The following CREB3L3 variants were observed in gnomAD, a reference collection of about 807,000 sequenced individuals.
The protein encoded by CREB3L3 is cyclic AMP-responsive element-binding protein 3-like protein 3.
CREB3L3 carries 40 observed loss-of-function variants against 44.6 expected under a neutral mutation model. The ratio of observed to expected loss-of-function variants is 0.90; its 90% CI spans 0.70 to 1.17. The LOEUF (loss-of-function observed/expected upper bound fraction) is 1.17, where lower values mean the gene tolerates loss of function less well. CREB3L3 is among the 50% of genes most tolerant of loss of function. The pLI is 0.00. For synonymous variants in CREB3L3, 273 were observed against 256.3 expected, an observed-to-expected ratio of 1.06 and a Z score of -0.62; for missense variants, 578 against 595.8, an observed-to-expected ratio of 0.97 and a Z score of 0.31.
intron 2 of CREB3L3, among the ~76,000 whole-genome samples, chr19:4,156,155 CCCTCCCTT>C (rs200708264): frequency 6.0e-5 from 5 of 82,678 alleles, no homozygotes; most frequent in Admixed American, 1.6e-4. Flanking sequence ...CTCTCCCCCT[CCCTCCCTT>C]CCTCCCTTCC....
intron 2 of CREB3L3, 125 bp downstream of exon 2, chr19:4,155,152 G>T: frequency 4.2e-6 from 5 of 1,189,744 alleles, no homozygotes. Flanking sequence ...ATGCACTAAT[G>T]GGTCACGGTG....
chr19:4,159,638 T>C lies in CREB3L3; in HGVS notation c.458-26T>C, dbSNP rs1490218644. 4.7e-6 allele frequency: 5 copies of C among 1,065,490 alleles called. No homozygotes were observed. The Admixed American group carries it at 6.7e-5, about 14-fold the overall frequency. 66.0% of individuals were successfully genotyped at this position (1,065,490 alleles called of 1,614,324 possible). ...CTCCCCCCGTCTGACACTCTCCCTGTCTCCGTCCCCACCTGCCCTGGTCAG... is the reference window on the plus strand; with the variant it reads ...CTCCCCCCGTCTGACACTCTCCCTGCCTCCGTCCCCACCTGCCCTGGTCAG... On this transcript the variant is annotated intron_variant, in intron 3 of 9. Transcript: ENST00000078445.
At position 4,157,073 on chromosome 19, in the gene CREB3L3, C is replaced by A; in HGVS notation, c.235C>A (p.Leu79Ile). 1 of 1,614,122 alleles carries A rather than the reference C, an allele frequency of 6.2e-7. No individual in the cohort carries two copies. Among genetic ancestry groups the A allele is most frequent in the Non-Finnish European group, 8.5e-7 (1 of 1,180,016 alleles). The change falls in exon 3 of 10, where the codon CTC becomes ATC. Residue 79 changes from leucine (L) to isoleucine (I), a missense_variant. Transcript: ENST00000078445. ...GSGDSLPSSP[L>I]WSPEGSDSGI... is the part of the protein sequence containing the mutation. ...TGGAGACTCACTGCCCAGCTCCCCA[C>A]TCTGGTCCCCCGAAGGCAGTGATAG...
intron 4 of CREB3L3, among the ~76,000 whole-genome samples, chr19:4,162,754 A>G (rs2041676076): frequency 1.3e-5 from 2 of 150,484 alleles, no homozygotes; most frequent in African/African-American, 4.9e-5. Context: ...TGAAGTGGAC[A>G]GATTGCTTGA....
Position 4,172,332 on chromosome 19 carries a change from C to G in CREB3L3, c.*363C>G. 2.3e-6 allele frequency: 1 copy of G among 426,082 alleles called. No homozygotes were observed. Among genetic ancestry groups the G allele is most frequent in the South Asian group, 2.3e-5 (1 of 42,660 alleles). 26.4% of individuals were successfully genotyped at this position (426,082 alleles called of 1,614,324 possible). On this transcript the variant is annotated 3_prime_UTR_variant, in exon 10 of 10. Coordinates refer to ENST00000078445, the MANE Select transcript of CREB3L3 (RefSeq NM_032607.3). ...AGACCCAGACAAACAGACAGACAGA[C>G]ACAGCCTGAAACAGACCCAGACAGA...
rs369516423 is a variant in CREB3L3, at chr19:4,171,889, G to A, written c.1306G>A (p.Ala436Thr). 8.7e-6 allele frequency: 14 copies of A among 1,612,714 alleles called. No individual in the cohort carries two copies. The highest frequency in any genetic ancestry group is 1.6e-4 in the Middle Eastern group (1 of 6,082). Residue 436 changes from alanine (A) to threonine (T), a missense_variant, in exon 10 of 10, where the codon GCC becomes ACC. Physicochemically the swap from Ala to Thr is moderately conservative, Grantham distance 58. Coordinates refer to ENST00000078445, the MANE Select transcript of CREB3L3 (RefSeq NM_032607.3). This position sits in a 1 kb window ranked among gnomAD's most constrained non-coding sequence, Gnocchi z 4.9. ...RNATEGLGQVALLDWVAPGPS... is the reference protein window; with the variant it reads ...RNATEGLGQVTLLDWVAPGPS... ...TGCAACAGAGGGGCTGGGCCAGGTC[G>A]CCCTGCTGGACTGGGTGGCGCCTGG...
In CREB3L3 at chr19:4,153,766, G is replaced by C; in HGVS notation, c.19G>C (p.Ala7Pro). The change falls in exon 1 of 10, where the codon GCT (alanine) becomes CCT (proline). Residue 7 changes from alanine (A) to proline (P), a missense_variant. By Grantham distance (27) the Ala-to-Pro change is conservative. Transcript: ENST00000078445. MNTDLA[A>P]GKMASAACSM... ...TGGACCCATGAATACGGATTTAGCT[G>C]CTGGAAAGGTGAGCCCTACTAGGTC... is the stretch of plus-strand genomic sequence containing the variant. 1 of 1,614,126 alleles carries C rather than the reference G, an allele frequency of 6.2e-7. No homozygotes were observed.
In CREB3L3 at chr19:4,164,507, A is replaced by G. The variant is rs1425445699; in HGVS notation, c.581A>G (p.Gln194Arg). ...TTCCTCTGATTTTTTCCGTAGCAAC[A>G]GCATCACCTGGGGGCCTCCTACCTC... The part of the protein sequence containing the change: ...LLSGSSGDLQ[Q>R]HHLGASYLLR... The change falls in exon 5 of 10, where the codon CAG becomes CGG. Residue 194 changes from glutamine (Q) to arginine (R), a missense_variant. Coordinates refer to ENST00000078445, the MANE Select transcript of CREB3L3 (RefSeq NM_032607.3). 6.2e-7 allele frequency: 1 copy of G among 1,614,034 alleles called. No individual in the cohort carries two copies. Among genetic ancestry groups the G allele is most frequent in the Admixed American group, 1.7e-5 (1 of 60,000 alleles).
Position 4,171,783 on chromosome 19 carries a change from G to T in CREB3L3, c.1200G>T (p.Gly400=). Residue 400 remains glycine (G), a synonymous_variant, in exon 10 of 10, where the codon GGG becomes GGT. Coordinates refer to ENST00000078445, the MANE Select transcript of CREB3L3 (RefSeq NM_032607.3). The surrounding 1 kb of genome is among the most constrained non-coding windows in gnomAD (Gnocchi z 4.9). The part of the protein sequence containing the change: ...TTREESPGSP[G]ADWGFQDTAN... The stretch of plus-strand genomic sequence containing the variant: ...GAGAAGAGTCTCCAGGAAGCCCCGG[G>T]GCAGACTGGGGCTTCCAGGACACCG... 1 of 1,613,482 alleles carries T rather than the reference G, an allele frequency of 6.2e-7. No individual in the cohort carries two copies. Among genetic ancestry groups the T allele is most frequent in the Non-Finnish European group, 8.5e-7 (1 of 1,180,004 alleles).
chr19:4,161,630 AAGGT>A (rs59916933), intron 4 of CREB3L3, among the ~76,000 whole-genome samples: 98,080 of 151,522 alleles, frequency 0.65, 32,161 homozygotes, highest in East Asian at 0.9. Context: ...TGCAGATGAG[AAGGT>A]AGGTCAAGGC....
chr19:4,169,360 G>A (rs1966992584), intron 6 of CREB3L3, among the ~76,000 whole-genome samples: 1 of 151,806 alleles, frequency 6.6e-6, no homozygotes, highest in Admixed American at 6.6e-5. Flanking sequence ...GGTGCCTGTA[G>A]TCCCAGCTAC....
rs534063780 is a variant in CREB3L3 at position 4,164,545 on chromosome 19, G to A, written c.619G>A (p.Ala207Thr). The A allele has an allele frequency of 1.9e-6, 3 of 1,614,066 alleles. No homozygotes were observed. The highest frequency in any genetic ancestry group is 2.7e-5 in the African/African-American group (2 of 75,034). Residue 207 changes from alanine (A) to threonine (T), a missense_variant, in exon 5 of 10, where the codon GCT becomes ACT. Coordinates refer to ENST00000078445, the MANE Select transcript of CREB3L3 (RefSeq NM_032607.3). The stretch of plus-strand genomic sequence containing the variant: ...GGCCTCCTACCTCCTGCGACCTGGG[G>A]CTGGGCACTGTCAGGAGCTGGTGCT... ...LGASYLLRPG[A>T]GHCQELVLTE...
intron 1 of CREB3L3, 24 bp downstream of exon 1, chr19:4,153,798 G>A (rs751363279): frequency 6.2e-7 from 1 of 1,613,770 alleles, no homozygotes; most frequent in Admixed American, 1.7e-5. Context: ...GGTCCCCAGG[G>A]AGAGCGGGAG....
At chr19:4,159,811 C>T (rs370548067) in intron 4 of CREB3L3, 29 bp downstream of exon 4, 24 of 984,032 alleles carry the variant, frequency 2.4e-5, no homozygotes, top group Middle Eastern at 2.3e-4. Flanking sequence ...TCCCATGGGG[C>T]GTTGGAGCTG....
At chr19:4,161,081 T>G (rs916102611) in intron 4 of CREB3L3, among the ~76,000 whole-genome samples, 3 of 152,026 alleles carry the variant, frequency 2.0e-5, no homozygotes, top group Non-Finnish European at 2.9e-5. Flanking sequence ...CTGGCTGATT[T>G]TTTGTATCTT....
chr19:4,166,404 G>C (rs960078107), intron 5 of CREB3L3, among the ~76,000 whole-genome samples: 2 of 147,844 alleles, frequency 1.4e-5, no homozygotes, highest in Admixed American at 6.9e-5. Context: ...ACAGGCACGC[G>C]CCACCACGCC....
rs372809788 is a variant in CREB3L3, at chr19:4,153,702, G to A, written c.-46G>A. On this transcript the variant is annotated 5_prime_UTR_variant, in exon 1 of 10. Coordinates refer to ENST00000078445, the MANE Select transcript of CREB3L3 (RefSeq NM_032607.3). The stretch of plus-strand genomic sequence containing the variant: ...TGGCGGTGGGTGGGCCTCCAGCTTG[G>A]AGCAGAGACCCCCCGAGGCATCTGC... The A allele has an allele frequency of 1.5e-5, 24 of 1,612,552 alleles. No individual in the cohort carries two copies. Among genetic ancestry groups the A allele is most frequent in the Admixed American group, 5.0e-5 (3 of 59,842 alleles).
At chr19:4,158,577 G>A (rs547301143) in intron 3 of CREB3L3, among the ~76,000 whole-genome samples, 2 of 151,812 alleles carry the variant, frequency 1.3e-5, no homozygotes, top group African/African-American at 2.4e-5. Flanking sequence ...CGAAGCGAGC[G>A]GATCACGAGG....
intron 4 of CREB3L3, 116 bp from the exon 5 acceptor site, chr19:4,164,387 C>T (rs1055273234): frequency 8.5e-6 from 11 of 1,292,714 alleles, no homozygotes; most frequent in Admixed American, 1.7e-5. Context: ...GGATGACAGG[C>T]GTGAGCCACC....
Sources: allele counts gnomAD v4.1 joint callset (sites outside exome capture counted in the v4.1 genomes callset), GRCh38; gene constraint gnomAD v4.1.1; non-coding constraint Gnocchi (gnomAD v3.1); transcripts MANE v1.5; gene names NCBI Gene and HGNC (gene_info 2026-07-23, HGNC 2026-07-21).